Variants in CREBRF observed in about 807,000 individuals in gnomAD.
The protein encoded by CREBRF is CREB3 regulatory factor.
A neutral mutation model predicts 66.1 loss-of-function variants in CREBRF; 5 were observed. The ratio of observed to expected loss-of-function variants is 0.08; its 90% CI spans 0.04 to 0.16. CREBRF has a LOEUF of 0.16. Among genes scored for constraint, CREBRF ranks in the 10% least tolerant of loss-of-function variants. The pLI is 1.00. For synonymous variants in CREBRF, 229 were observed against 264.4 expected (o/e 0.87, Z 1.30); for missense variants, 531 against 744.9 (o/e 0.71, Z 3.34).
chr5:173,129,739 T>TAC (rs1205429793), intron 8 of CREBRF, among the ~76,000 whole-genome samples: 2 of 140,814 alleles, frequency 1.4e-5, no homozygotes, highest in Non-Finnish European at 3.1e-5. Flanking sequence ...AAAAAAAAAA[T>TAC]ACACACACAC....
At chr5:173,059,303 C>G (rs1320328866) in intron 1 of CREBRF, among the ~76,000 whole-genome samples, 7 of 124,702 alleles carry the variant, frequency 5.6e-5, no homozygotes, top group Non-Finnish European at 1.1e-4. Context: ...TCGCCCTTGT[C>G]GCCCAGGCTG....
intron 1 of CREBRF, among the ~76,000 whole-genome samples, chr5:173,063,584 G>T (rs191897140): frequency 6.6e-6 from 1 of 152,200 alleles, no homozygotes; most frequent in Admixed American, 6.5e-5. Flanking sequence ...GGCCAGGCTG[G>T]TCTTGAACTC....
rs968950943 is a variant in CREBRF, at chr5:173,080,032, A to T, written c.-191-553A>T. Among the ~76,000 whole-genome samples the T allele has an allele frequency of 4.6e-5, 7 of 152,338 alleles. No homozygotes were observed. The South Asian group carries it at 6.2e-4, about 14-fold the overall frequency. On this transcript the variant is annotated intron_variant, in intron 1 of 8. Coordinates refer to ENST00000296953, the MANE Select transcript of CREBRF (RefSeq NM_153607.3). ...TGCTGGAATGATTCTTTCTTCAATG[A>T]GAGCTTATACTTATAACTGAAAGAA...
intron 1 of CREBRF, 56 bp downstream of exon 1, chr5:173,056,535 C>T: frequency 2.5e-6 from 1 of 397,284 alleles, no homozygotes; most frequent in Non-Finnish European, 4.4e-6. Flanking sequence ...GGGGGAAGAG[C>T]GGAACGGGGG....
chr5:173,115,168 G>A (rs1169401001), intron 7 of CREBRF, among the ~76,000 whole-genome samples: 16 of 150,068 alleles, frequency 1.1e-4, no homozygotes, highest in Admixed American at 6.7e-5. Flanking sequence ...GTGCAATGGC[G>A]CGATCTCGGC....
chr5:173,122,845 G>A (rs866656048), intron 7 of CREBRF, among the ~76,000 whole-genome samples: 3 of 138,568 alleles, frequency 2.2e-5, no homozygotes, highest in East Asian at 2.1e-4. Context: ...GAGAACATGC[G>A]GTGTTTGGTT....
intron 2 of CREBRF, chr5:173,085,523 TCTC>T (rs1369932179): frequency 1.8e-6 from 1 of 545,318 alleles, no homozygotes; most frequent in Admixed American, 3.1e-5. Flanking sequence ...TTCAAGCGAT[TCTC>T]CTACCTCAGC....
At chr5:173,080,170 T>G (rs1036155389) in intron 1 of CREBRF, among the ~76,000 whole-genome samples, 2 of 152,158 alleles carry the variant, frequency 1.3e-5, no homozygotes, top group East Asian at 1.9e-4. Flanking sequence ...ATGAGAGAGA[T>G]AAAATGTAGA....
At chr5:173,062,707 T>C (rs2113657136) in intron 1 of CREBRF, among the ~76,000 whole-genome samples, 1 of 151,944 alleles carries the variant, frequency 6.6e-6, no homozygotes, top group Admixed American at 6.6e-5. Flanking sequence ...TTCATCTACA[T>C]AGTAGGGTCT....
intron 8 of CREBRF, among the ~76,000 whole-genome samples, chr5:173,128,367 T>G (rs1290905183): frequency 6.6e-6 from 1 of 152,150 alleles, no homozygotes; most frequent in Non-Finnish European, 1.5e-5. Context: ...ATTTTTAATG[T>G]TCTGCGGGAG....
At chr5:173,127,426 G>A (rs369581965) in intron 8 of CREBRF, among the ~76,000 whole-genome samples, 23 of 149,736 alleles carry the variant, frequency 1.5e-4, no homozygotes, top group African/African-American at 5.6e-4. Context: ...CTATAGTCAT[G>A]AGCCACTGAG....
In CREBRF at chr5:173,134,375, G is replaced by A. The variant is rs532052649; in HGVS notation, c.*630G>A. 3.1e-6 allele frequency: 1 copy of A among 319,374 alleles called. No individual in the cohort carries two copies. The highest frequency in any genetic ancestry group is 6.3e-6 in the Non-Finnish European group (1 of 158,926). 19.8% of individuals were successfully genotyped at this position (319,374 alleles called of 1,614,324 possible). ...GTATTTTGGGGAAACTCTAAAACTG[G>A]TAATATTTTGTATGATGAAAACCCT... is the stretch of plus-strand genomic sequence containing the variant. On this transcript the variant is annotated 3_prime_UTR_variant, in exon 9 of 9. Transcript: ENST00000296953.
chr5:173,102,392 A>G (rs1335782543), intron 4 of CREBRF, among the ~76,000 whole-genome samples: 1 of 151,884 alleles, frequency 6.6e-6, no homozygotes, highest in Non-Finnish European at 1.5e-5. Context: ...TTGTCAGGTC[A>G]TCTAGAGGTT....
At chr5:173,129,013 C>T (rs1759340888) in intron 8 of CREBRF, among the ~76,000 whole-genome samples, 1 of 151,426 alleles carries the variant, frequency 6.6e-6, no homozygotes, top group African/African-American at 2.4e-5. Flanking sequence ...ATCTCCTGAC[C>T]TCGTGATCCA....
chr5:173,119,364 A>G lies in CREBRF; in HGVS notation c.1682-3716A>G, dbSNP rs750947592. 4.6e-5 allele frequency among the ~76,000 whole-genome samples: 7 copies of G among 152,262 alleles called. No homozygotes were observed. The East Asian group carries it at 7.7e-4, about 17-fold the overall frequency. On this transcript the variant is annotated intron_variant, in intron 7 of 8. Transcript: ENST00000296953. ...TTAGTTTCTCTCTGTCATCTTTTACAGTGTTCAGTGTAGAGTGCTTGAACA... is the reference window on the plus strand; with the variant it reads ...TTAGTTTCTCTCTGTCATCTTTTACGGTGTTCAGTGTAGAGTGCTTGAACA...
chr5:173,073,105 C>T (rs1581663358), intron 1 of CREBRF, among the ~76,000 whole-genome samples: 2 of 152,198 alleles, frequency 1.3e-5, no homozygotes, highest in Admixed American at 1.3e-4. Flanking sequence ...TGATAGAGCT[C>T]ACGCATGCAC....
intron 1 of CREBRF, among the ~76,000 whole-genome samples, chr5:173,068,614 A>G (rs1018900609): frequency 4.6e-5 from 7 of 152,174 alleles, no homozygotes; most frequent in Non-Finnish European, 1.0e-4. Flanking sequence ...AGCTTTATGA[A>G]TGACTTTGTG....
At position 173,126,083 on chromosome 5, in the gene CREBRF, A is replaced by G. The variant is rs1465755350; in HGVS notation, c.1804+2881A>G. On this transcript the variant is annotated intron_variant, in intron 8 of 8. Transcript: ENST00000296953. ...TGCTTCCCTCCCTCATTTTATTTGG[A>G]CCATCTCTGTTTCATATCTTTAGTT... Among the ~76,000 whole-genome samples the G allele has an allele frequency of 2.6e-5, 4 of 152,066 alleles. No individual in the cohort carries two copies. In the East Asian group the frequency reaches 7.7e-4, roughly 29 times the overall value.
At chr5:173,075,337 G>T (rs1429517302) in intron 1 of CREBRF, among the ~76,000 whole-genome samples, 2 of 152,146 alleles carry the variant, frequency 1.3e-5, no homozygotes, top group African/African-American at 4.8e-5. Context: ...AATAAAGGGA[G>T]AACTTGAGCC....
Sources: allele counts gnomAD v4.1 joint callset (sites outside exome capture counted in the v4.1 genomes callset), GRCh38; gene constraint gnomAD v4.1.1; transcripts MANE v1.5; gene names NCBI Gene and HGNC (gene_info 2026-07-23, HGNC 2026-07-21).